RBPMS: variants seen among roughly 807,000 people sequenced by gnomAD.
RBPMS encodes RNA binding protein, mRNA processing factor.
A neutral mutation model predicts 26.8 loss-of-function variants in RBPMS; 7 were observed. The observed-to-expected ratio is 0.26, with a 90% confidence interval of 0.15 to 0.49. RBPMS has a LOEUF of 0.49. Ranked by LOEUF, RBPMS falls within the 20% of genes least tolerant of loss-of-function variation. The pLI, the probability that RBPMS is intolerant of heterozygous loss-of-function variation, is 0.98. For missense variants in RBPMS, 186 were observed against 250.0 expected (o/e 0.74, Z 1.73); for synonymous variants, 96 against 93.3 (o/e 1.03, Z -0.17).
chr8:30,435,025 C>A (rs150319457), intron 1 of RBPMS, among the ~76,000 whole-genome samples: 72 of 152,176 alleles, frequency 4.7e-4, no homozygotes, highest in Admixed American at 8.5e-4. Flanking sequence ...TCCATCCATC[C>A]ATCCATCCAT....
chr8:30,538,156 A>G (rs1392526270), intron 5 of RBPMS, among the ~76,000 whole-genome samples: 1 of 152,206 alleles, frequency 6.6e-6, no homozygotes, highest in East Asian at 1.9e-4. Flanking sequence ...TCTCCTCATG[A>G]CTGCAGCACG....
At chr8:30,418,613 CTG>C (rs1193133879) in intron 1 of RBPMS, among the ~76,000 whole-genome samples, 1 of 152,102 alleles carries the variant, frequency 6.6e-6, no homozygotes, top group Non-Finnish European at 1.5e-5. Context: ...GGGTCTCACT[CTG>C]TCACCCAGGC....
intron 6 of RBPMS, chr8:30,552,587 A>T (rs1344265514): frequency 1.3e-5 from 2 of 152,210 alleles, no homozygotes; most frequent in African/African-American, 4.8e-5. Flanking sequence ...CATAGTTAAA[A>T]ATTAACAGAC....
At chr8:30,552,092 G>GCC (rs1271686643) in intron 6 of RBPMS, among the ~76,000 whole-genome samples, 1 of 152,116 alleles carries the variant, frequency 6.6e-6, no homozygotes, top group East Asian at 1.9e-4. Flanking sequence ...AAACCTAAGG[G>GCC]CCTGGGCTTT....
At chr8:30,504,715 G>A (rs925339368) in intron 5 of RBPMS, among the ~76,000 whole-genome samples, 8 of 152,308 alleles carry the variant, frequency 5.3e-5, no homozygotes, top group Middle Eastern at 3.4e-3. Flanking sequence ...TCATGAGTAT[G>A]CCCCTAGTTG....
intron 1 of RBPMS, among the ~76,000 whole-genome samples, chr8:30,388,503 T>C (rs981957300): frequency 5.1e-4 from 16 of 31,298 alleles, no homozygotes; most frequent in African/African-American, 2.1e-3. Flanking sequence ...TTATAACTTA[T>C]AGCTATAGCT....
intron 8 of RBPMS, among the ~76,000 whole-genome samples, chr8:30,568,111 A>AAATT (rs1361471316): frequency 6.6e-5 from 10 of 152,166 alleles, no homozygotes; most frequent in Non-Finnish European, 1.5e-4. Context: ...AATCTATTAC[A>AAATT]AATTAATATC....
intron 5 of RBPMS, among the ~76,000 whole-genome samples, chr8:30,509,849 A>G (rs772441942): frequency 9.2e-5 from 14 of 152,174 alleles, no homozygotes; most frequent in Admixed American, 2.0e-4. Flanking sequence ...AAAATCCTAC[A>G]TGCTTCTCAG....
intron 1 of RBPMS, among the ~76,000 whole-genome samples, chr8:30,385,609 C>T (rs1305872646): frequency 1.3e-5 from 2 of 151,996 alleles, no homozygotes; most frequent in Non-Finnish European, 2.9e-5. Flanking sequence ...CCCTCCCTTT[C>T]CGTGTTAAAA....
At chr8:30,423,331 C>A (rs574926560) in intron 1 of RBPMS, among the ~76,000 whole-genome samples, 1 of 152,188 alleles carries the variant, frequency 6.6e-6, no homozygotes, top group Non-Finnish European at 1.5e-5. Context: ...GTCACCAGTT[C>A]TGCTTTTGCT....
chr8:30,473,187 T>A (rs1211372258), intron 1 of RBPMS, among the ~76,000 whole-genome samples: 1 of 152,230 alleles, frequency 6.6e-6, no homozygotes, highest in African/African-American at 2.4e-5. Context: ...GCTTCTTGTT[T>A]AGTTTTGGCT....
intron 5 of RBPMS, among the ~76,000 whole-genome samples, chr8:30,535,227 C>G (rs1824658656): frequency 6.6e-6 from 1 of 152,152 alleles, no homozygotes; most frequent in Non-Finnish European, 1.5e-5. Flanking sequence ...TATCCTCTTG[C>G]TAGTTTTAAG....
chr8:30,566,646 C>T (rs1827904538), intron 8 of RBPMS, among the ~76,000 whole-genome samples: 1 of 152,230 alleles, frequency 6.6e-6, no homozygotes, highest in African/African-American at 2.4e-5. Context: ...TCCAGTGGCA[C>T]CTGGAGTGAG....
intron 5 of RBPMS, among the ~76,000 whole-genome samples, chr8:30,541,137 T>C (rs148480695): frequency 6.6e-6 from 1 of 152,334 alleles, no homozygotes; most frequent in African/African-American, 2.4e-5. Flanking sequence ...TGTTCTTCCA[T>C]CTCTCAGTTG....
At chr8:30,389,259 A>G (rs576815378) in intron 1 of RBPMS, among the ~76,000 whole-genome samples, 4 of 152,366 alleles carry the variant, frequency 2.6e-5, no homozygotes, top group African/African-American at 9.6e-5. Flanking sequence ...TCAATATGGC[A>G]TGCACTTTTG....
chr8:30,422,166 C>T (rs1301759057), intron 1 of RBPMS, among the ~76,000 whole-genome samples: 2 of 150,576 alleles, frequency 1.3e-5, no homozygotes, highest in Non-Finnish European at 3.0e-5. Context: ...TGCTCTGTCA[C>T]CCAGGCTGGA....
intron 1 of RBPMS, among the ~76,000 whole-genome samples, chr8:30,446,240 G>A (rs758962150): frequency 1.3e-5 from 2 of 152,066 alleles, no homozygotes; most frequent in South Asian, 2.1e-4. Flanking sequence ...GTTAATCTGC[G>A]AAGTAGATTT....
At chr8:30,466,019 T>C (rs1399817513) in intron 1 of RBPMS, among the ~76,000 whole-genome samples, 3 of 152,178 alleles carry the variant, frequency 2.0e-5, no homozygotes, top group Non-Finnish European at 2.9e-5. Context: ...CTCCCATTAG[T>C]CTTCCTTCTT....
At position 30,419,450 on chromosome 8, in the gene RBPMS, A is replaced by ATTGTGTGTGTGTGTGTGTGTGTG. The variant is rs1554509328; in HGVS notation, c.66+34293_66+34294insTGTGTGTGTGTGTGTGTGTGTGT. On this transcript the variant is annotated intron_variant, in intron 1 of 8. Coordinates refer to ENST00000397323, the MANE Select transcript of RBPMS (RefSeq NM_001008710.3). ...GACAGAGTGAGATTGCATCTCAAAA[A>ATTGTGTGTGTGTGTGTGTGTGTG]TGTGTGTGTGTGTGTGTGTGTGTGT... Among the ~76,000 whole-genome samples the ATTGTGTGTGTGTGTGTGTGTGTG allele has an allele frequency of 4.9e-3, 707 of 143,268 alleles. 10 individuals carry two copies. The highest frequency in any genetic ancestry group is 0.017 in the Middle Eastern group (5 of 290). 94.0% of individuals were successfully genotyped at this position (143,268 alleles called of 152,430 possible). A position where few individuals can be genotyped will look rare whatever the true frequency, so the allele number is the denominator to read the frequency against.
Sources: allele counts gnomAD v4.1 joint callset (sites outside exome capture counted in the v4.1 genomes callset), GRCh38; gene constraint gnomAD v4.1.1; transcripts MANE v1.5; gene names NCBI Gene and HGNC (gene_info 2026-07-23, HGNC 2026-07-21).